The following TRIP12 variants were observed in gnomAD, a reference collection of about 807,000 sequenced individuals.
The protein encoded by TRIP12 is thyroid hormone receptor interactor 12, also known as E3 ubiquitin-protein ligase TRIP12.
Under a neutral mutation model 244.2 loss-of-function variants are expected in TRIP12, and 25 were observed. That is an observed-to-expected ratio of 0.10 (90% CI 0.07 to 0.14). The LOEUF (loss-of-function observed/expected upper bound fraction) is 0.14, where lower values mean the gene tolerates loss of function less well. TRIP12 is among the 10% of genes least tolerant of loss of function. The pLI is 1.00. For missense variants in TRIP12, 1,677 were observed against 2,486.4 expected (o/e 0.67, Z 6.92); for synonymous variants, 905 against 873.1 (o/e 1.04, Z -0.64).
chr2:229,887,171 T>C (rs947405988), intron 1 of TRIP12, among the ~76,000 whole-genome samples: 3 of 152,214 alleles, frequency 2.0e-5, no homozygotes, highest in Non-Finnish European at 2.9e-5. Flanking sequence ...CCTTTGCCAT[T>C]TGGTAAATCA....
rs1326421645 is a variant in TRIP12, at chr2:229,768,780, A to C, written c.5904-61T>G. The C allele has an allele frequency of 2.8e-6, 4 of 1,417,240 alleles. No homozygotes were observed. In the African/African-American group the frequency reaches 5.9e-5, roughly 21 times the overall value. 87.8% of individuals were successfully genotyped at this position (1,417,240 alleles called of 1,614,324 possible). The stretch of plus-strand genomic sequence containing the variant: ...CAGGTTAAAATAGAGTTTTAATCAC[A>C]CTGCATCGCATCACATGACATAAAA... On this transcript the variant is annotated intron_variant, in intron 40 of 41. Coordinates refer to ENST00000675903, the MANE Select transcript of TRIP12 (RefSeq NM_001348323.3).
intron 29 of TRIP12, 22 bp from the exon 30 acceptor site, chr2:229,791,273 T>TAA (rs1265414943): frequency 6.2e-7 from 1 of 1,612,688 alleles, no homozygotes; most frequent in East Asian, 2.2e-5. Flanking sequence ...AGACAGTATA[T>TAA]AAACCAAATG....
chr2:229,816,557 T>A (rs1168128616), intron 9 of TRIP12, among the ~76,000 whole-genome samples: 1 of 152,162 alleles, frequency 6.6e-6, no homozygotes, highest in South Asian at 2.1e-4. Flanking sequence ...AATATTCAAC[T>A]GTGATAAAAG....
At chr2:229,842,466 G>A (rs1450135527) in intron 4 of TRIP12, among the ~76,000 whole-genome samples, 2 of 152,078 alleles carry the variant, frequency 1.3e-5, no homozygotes, top group African/African-American at 4.8e-5. Context: ...ATTTCAGAAA[G>A]TATTCAATTT....
At position 229,787,634 on chromosome 2, in the gene TRIP12, C is replaced by T. The variant is rs1462169241; in HGVS notation, c.4866G>A (p.Arg1622=). 5 of 1,605,958 alleles carry T rather than the reference C, an allele frequency of 3.1e-6. No homozygotes were observed. Among genetic ancestry groups the T allele is most frequent in the Admixed American group, 1.7e-5 (1 of 59,192 alleles). The change falls in exon 33 of 42, where the codon CGG becomes CGA. Residue 1622 remains arginine (R), a synonymous_variant. Coordinates refer to ENST00000675903, the MANE Select transcript of TRIP12 (RefSeq NM_001348323.3). ...ATGCAGTTACATAAAAAAGCATTTGCCGGGTATCAAAAGGAAAGAAAAATG... is the reference window on the plus strand; with the variant it reads ...ATGCAGTTACATAAAAAAGCATTTGTCGGGTATCAAAAGGAAAGAAAAATG... ...TCPFFFPFDT[R]QMLFYVTAFD... is the part of the protein sequence containing the mutation.
chr2:229,909,336 A>C (rs2073770668), intron 1 of TRIP12, among the ~76,000 whole-genome samples: 1 of 151,956 alleles, frequency 6.6e-6, no homozygotes, highest in African/African-American at 2.4e-5. Flanking sequence ...ACTTGAGCCT[A>C]CGAGTTTGAG....
Position 229,840,972 on chromosome 2 carries a change from A to G in TRIP12, c.1028-45T>C, listed in dbSNP as rs368771824. The G allele has an allele frequency of 1.1e-4, 147 of 1,347,074 alleles. 1 individual carries two copies. The highest frequency in any genetic ancestry group is 1.4e-4 in the Non-Finnish European group (137 of 982,720). The allele number at this position is 1,347,074 out of a possible 1,614,324, so 83.4% of individuals were successfully genotyped here. A position where few individuals can be genotyped will look rare whatever the true frequency, so the allele number is the denominator to read the frequency against. ...AAGTGTAATTTTATAATGAGAAATT[A>G]TCACTAATTAAAAATTATAAAATTC... On this transcript the variant is annotated intron_variant, in intron 4 of 41. Coordinates refer to ENST00000675903, the MANE Select transcript of TRIP12 (RefSeq NM_001348323.3).
intron 1 of TRIP12, among the ~76,000 whole-genome samples, chr2:229,884,520 G>C (rs1338632024): frequency 6.6e-6 from 1 of 151,914 alleles, no homozygotes; most frequent in East Asian, 1.9e-4. Context: ...TACAGGCGTG[G>C]ACCACTGCCT....
In TRIP12 at chr2:229,791,958, A is replaced by T; in HGVS notation, c.4323T>A (p.Phe1441Leu). ...NMTVYQAVRQ[F>L]SIQAEDERES... ...CTCTTTCATCTTCAGCCTGTATACT[A>T]AACTGCCGTACTGCCTGATACACAG... is the stretch of plus-strand genomic sequence containing the variant. Residue 1441 changes from phenylalanine (F) to leucine (L), a missense_variant, in exon 29 of 42, where the codon TTT (phenylalanine) becomes TTA (leucine). By Grantham distance (22) the Phe-to-Leu change is conservative (BLOSUM62 0). Around this residue, in one of 11 missense-constraint regions of TRIP12, gnomAD observed 265 missense variants for 370.8 expected, o/e 0.71. Transcript: ENST00000675903. 1.2e-6 allele frequency: 2 copies of T among 1,614,168 alleles called. No individual in the cohort carries two copies. Among genetic ancestry groups the T allele is most frequent in the Non-Finnish European group, 1.7e-6 (2 of 1,179,996 alleles).
intron 24 of TRIP12, among the ~76,000 whole-genome samples, 188 bp from the exon 25 acceptor site, chr2:229,796,970 T>C (rs768151684): frequency 6.6e-6 from 1 of 152,008 alleles, no homozygotes; most frequent in Admixed American, 6.6e-5. Flanking sequence ...ACACTAAATA[T>C]TTCATGAGGA....
Position 229,815,196 on chromosome 2 carries a change from TAGAAA to T in TRIP12, c.1636-7_1636-3del. ...TAAGGCTCGACAAGCATGGTTCATC[TAGAAA>T]AGAAGAGATTTTAATGAGTAAAAAC... On this transcript the variant is annotated splice_region_variant and splice_polypyrimidine_tract_variant and intron_variant, in intron 10 of 41. Coordinates refer to ENST00000675903, the MANE Select transcript of TRIP12 (RefSeq NM_001348323.3). The T allele has an allele frequency of 5.6e-6, 9 of 1,610,208 alleles. No individual in the cohort carries two copies. Among genetic ancestry groups the T allele is most frequent in the Non-Finnish European group, 7.6e-6 (9 of 1,178,668 alleles).
chr2:229,786,957 C>A lies in TRIP12; in HGVS notation c.4995+548G>T, dbSNP rs1574984975. Among the ~76,000 whole-genome samples, 3 of 152,306 alleles carry A rather than the reference C, an allele frequency of 2.0e-5. No homozygotes were observed. In the South Asian group the frequency reaches 6.2e-4, roughly 32 times the overall value. On this transcript the variant is annotated intron_variant, in intron 33 of 41. Coordinates refer to ENST00000675903, the MANE Select transcript of TRIP12 (RefSeq NM_001348323.3). ...GTGAGAACTGTAGAATCGGTCTCCA[C>A]TGGAAATGGCTCAGGGCCCCGTGGT...
At chr2:229,786,641 T>C (rs921199446) in intron 33 of TRIP12, among the ~76,000 whole-genome samples, 5 of 145,662 alleles carry the variant, frequency 3.4e-5, no homozygotes, top group Non-Finnish European at 7.5e-5. Context: ...ATGGTCTCGA[T>C]CTCCTGACCT....
At chr2:229,921,782 G>C (rs934403474) in intron 1 of TRIP12, 98 bp downstream of exon 1, 1 of 151,316 alleles carries the variant, frequency 6.6e-6, no homozygotes, top group African/African-American at 2.4e-5. Context: ...GGCTTCCTGG[G>C]ACTTTCTGTT....
chr2:229,773,189 C>T (rs930457343), intron 38 of TRIP12, among the ~76,000 whole-genome samples: 1 of 151,844 alleles, frequency 6.6e-6, no homozygotes, highest in African/African-American at 2.4e-5. Flanking sequence ...GGTTCTCCTG[C>T]CTCAGCCTCC....
At chr2:229,774,817 A>G (rs2035704565) in intron 37 of TRIP12, among the ~76,000 whole-genome samples, 1 of 151,836 alleles carries the variant, frequency 6.6e-6, no homozygotes, top group South Asian at 2.1e-4. Flanking sequence ...TCTATGCAGC[A>G]ACACTGTGAT....
At chr2:229,833,498 A>C (rs1373696816) in intron 6 of TRIP12, among the ~76,000 whole-genome samples, 1 of 152,130 alleles carries the variant, frequency 6.6e-6, no homozygotes, top group Non-Finnish European at 1.5e-5. Context: ...CATGTTGCCC[A>C]GGCTGATCTC....
At chr2:229,876,916 G>A (rs1462022772) in intron 2 of TRIP12, among the ~76,000 whole-genome samples, 2 of 152,002 alleles carry the variant, frequency 1.3e-5, no homozygotes, top group Non-Finnish European at 2.9e-5. Context: ...GGCTGGTCTC[G>A]AACTCCTGGC....
rs1289208290 is a variant in TRIP12, at chr2:229,822,737, A to G, written c.1451-4225T>C. On this transcript the variant is annotated intron_variant, in intron 8 of 41. Coordinates refer to ENST00000675903, the MANE Select transcript of TRIP12 (RefSeq NM_001348323.3). ...TATGGGACTGAGAATTAAGTGGGGG[A>G]AAAAAAGACAATAAAAGCAGACCAA... 3.4e-5 allele frequency among the ~76,000 whole-genome samples: 5 copies of G among 147,780 alleles called. No homozygotes were observed. In the East Asian group the frequency reaches 5.8e-4, roughly 17 times the overall value.
Sources: allele counts gnomAD v4.1 joint callset (sites outside exome capture counted in the v4.1 genomes callset), GRCh38; gene constraint gnomAD v4.1.1; regional missense constraint gnomAD v4.1.1; transcripts MANE v1.5; gene names NCBI Gene and HGNC (gene_info 2026-07-23, HGNC 2026-07-21).